TASP1: variants seen among roughly 807,000 people sequenced by gnomAD.
The protein encoded by TASP1 is threonine aspartase 1.
In TASP1, 16 loss-of-function variants were observed where a neutral mutation model predicts 56.6. The observed-to-expected ratio is 0.28, with a 90% CI of 0.19 to 0.43. The LOEUF (loss-of-function observed/expected upper bound fraction) is 0.43, where lower values mean the gene tolerates loss of function less well. Among genes scored for constraint, TASP1 ranks in the 20% least tolerant of loss-of-function variants. The pLI is 1.00. For missense variants in TASP1, 393 were observed against 511.6 expected, an observed-to-expected ratio of 0.77 and a Z score of 2.24; for synonymous variants, 179 against 184.2, an observed-to-expected ratio of 0.97 and a Z score of 0.23.
the TASP1 span, among the ~76,000 whole-genome samples, chr20:13,112,482 G>A: frequency 8.5e-5 from 13 of 152,144 alleles, no homozygotes; most frequent in Admixed American, 1.3e-4. Flanking sequence ...GGCCAGCCCC[G>A]ATTCAAAAGA....
At chr20:13,443,850 G>A (rs1313464670) in intron 11 of TASP1, among the ~76,000 whole-genome samples, 1 of 152,104 alleles carries the variant, frequency 6.6e-6, no homozygotes, top group African/African-American at 2.4e-5. Flanking sequence ...TAAAATCTAA[G>A]AGGAAAAAAA....
chr20:13,637,578 T>A (rs577400205), intron 1 of TASP1, among the ~76,000 whole-genome samples: 47 of 152,348 alleles, frequency 3.1e-4, no homozygotes, highest in African/African-American at 1.1e-3. Context: ...GAAATACTGA[T>A]ACACAGACAT....
the TASP1 span, among the ~76,000 whole-genome samples, chr20:13,232,059 G>A: frequency 6.6e-6 from 1 of 152,214 alleles, no homozygotes. Flanking sequence ...CAAGGACAAA[G>A]AAACAAATAA....
the TASP1 span, among the ~76,000 whole-genome samples, chr20:13,108,962 T>C: frequency 1.3e-5 from 2 of 152,126 alleles, no homozygotes; most frequent in African/African-American, 4.8e-5. Flanking sequence ...TTTCATCTTC[T>C]CAAAAAAGGG....
the TASP1 span, among the ~76,000 whole-genome samples, chr20:13,227,426 A>G: frequency 1.3e-5 from 2 of 150,620 alleles, no homozygotes; most frequent in African/African-American, 4.9e-5. Flanking sequence ...GATGGTCTCA[A>G]TCTCCTGACC....
At chr20:13,403,064 T>C (rs1012670587) in intron 13 of TASP1, among the ~76,000 whole-genome samples, 8 of 152,194 alleles carry the variant, frequency 5.3e-5, no homozygotes, top group Admixed American at 2.0e-4. Flanking sequence ...CAGATAGTTT[T>C]TAGAAAGAGC....
the TASP1 span, among the ~76,000 whole-genome samples, chr20:13,357,340 A>G: frequency 6.6e-6 from 1 of 152,172 alleles, no homozygotes; most frequent in Non-Finnish European, 1.5e-5. Context: ...TTAGGCTACG[A>G]ATTCATTATC....
chr20:13,506,233 A>G (rs1183173666), intron 10 of TASP1, among the ~76,000 whole-genome samples: 2 of 152,052 alleles, frequency 1.3e-5, no homozygotes, highest in African/African-American at 4.8e-5. Flanking sequence ...AATAAGAAGT[A>G]AGGAAATTGA....
the TASP1 span, among the ~76,000 whole-genome samples, chr20:13,170,882 G>T: frequency 3.9e-5 from 6 of 152,262 alleles, no homozygotes; most frequent in South Asian, 2.1e-4. Flanking sequence ...TCTGAAGCAT[G>T]CGTGGACTAA....
the TASP1 span, among the ~76,000 whole-genome samples, chr20:13,112,656 A>G: frequency 3.3e-5 from 5 of 152,196 alleles, no homozygotes; most frequent in Non-Finnish European, 2.9e-5. Context: ...CCTTCACAAG[A>G]AAGTTCCTTT....
At chr20:13,275,440 T>C in the TASP1 span, among the ~76,000 whole-genome samples, 1 of 152,190 alleles carries the variant, frequency 6.6e-6, no homozygotes, top group African/African-American at 2.4e-5. Context: ...CATGCCCCTA[T>C]AGAGACAAGC....
the TASP1 span, among the ~76,000 whole-genome samples, chr20:13,138,340 C>G: frequency 6.6e-6 from 1 of 152,160 alleles, no homozygotes; most frequent in Non-Finnish European, 1.5e-5. Flanking sequence ...CTCATCCCTC[C>G]CCACAATACA....
the TASP1 span, among the ~76,000 whole-genome samples, chr20:13,314,843 G>T: frequency 6.6e-6 from 1 of 152,012 alleles, no homozygotes; most frequent in Non-Finnish European, 1.5e-5. Context: ...GTTTATACAT[G>T]CATGTATGCT....
chr20:13,370,526 A>T, the TASP1 span, among the ~76,000 whole-genome samples: 1 of 151,616 alleles, frequency 6.6e-6, no homozygotes, highest in East Asian at 1.9e-4. Context: ...GAAACTGAAA[A>T]TTTTTTCTTT....
At chr20:13,171,977 T>C in the TASP1 span, among the ~76,000 whole-genome samples, 1 of 151,864 alleles carries the variant, frequency 6.6e-6, no homozygotes, top group Non-Finnish European at 1.5e-5. Context: ...ATATGTAATA[T>C]TAAAGTGGTG....
chr20:13,137,683 TA>T, the TASP1 span, among the ~76,000 whole-genome samples: 1 of 152,134 alleles, frequency 6.6e-6, no homozygotes, highest in African/African-American at 2.4e-5. Flanking sequence ...AGATCATGTT[TA>T]AAAACATAGA....
At chr20:13,286,970 C>T in the TASP1 span, among the ~76,000 whole-genome samples, 1 of 152,226 alleles carries the variant, frequency 6.6e-6, no homozygotes, top group African/African-American at 2.4e-5. Context: ...TGTCACAGAG[C>T]AGAGGTACTG....
chr20:13,213,297 A>G, the TASP1 span, among the ~76,000 whole-genome samples: 2 of 151,786 alleles, frequency 1.3e-5, no homozygotes, highest in Admixed American at 6.5e-5. Flanking sequence ...TAAAAAATGC[A>G]ACATAAAGCT....
chr20:13,388,854 C>T (rs1191714535), downstream of TASP1, among the ~76,000 whole-genome samples: 3 of 152,206 alleles, frequency 2.0e-5, no homozygotes, highest in Non-Finnish European at 4.4e-5. Context: ...TTCATATTTA[C>T]ACCCACTATA....
Sources: gnomAD v4.1 joint callset for allele counts (sites outside exome capture counted in the v4.1 genomes callset) on GRCh38, gnomAD v4.1.1 for gene constraint, MANE v1.5 for transcripts, NCBI Gene and HGNC (gene_info 2026-07-23, HGNC 2026-07-21) for gene names.